MEAF6: variants seen among roughly 807,000 people sequenced by gnomAD.
The protein encoded by MEAF6 is MYST/Esa1 associated factor 6.
A neutral mutation model predicts 28.9 loss-of-function variants in MEAF6; 15 were observed. The observed-to-expected ratio is 0.52, with a 90% CI of 0.35 to 0.80. MEAF6 has a LOEUF of 0.80. Among genes scored for constraint, MEAF6 ranks in the 30% least tolerant of loss-of-function variants. MEAF6 has a pLI of 0.01. For missense variants in MEAF6, 178 were observed against 237.5 expected, an observed-to-expected ratio of 0.75 and a Z score of 1.65; for synonymous variants, 97 against 88.7, an observed-to-expected ratio of 1.09 and a Z score of -0.53.
Position 37,514,715 on chromosome 1 carries a change from T to TGCG in MEAF6, c.29_31dup (p.Pro10dup). ...CAGCTCCCGCCGGGTGTCCGGGATC[T>TGCG]GCGGCGGCGCCGCCTTGTTGTGCAT... On this transcript the variant is annotated inframe_insertion, in exon 1 of 7. Transcript: ENST00000296214. 1.3e-6 allele frequency: 2 copies of TGCG among 1,516,250 alleles called. No individual in the cohort carries two copies. Among genetic ancestry groups the TGCG allele is most frequent in the Non-Finnish European group, 1.8e-6 (2 of 1,134,422 alleles). The allele number at this position is 1,516,250 out of a possible 1,614,324, so 93.9% of individuals were successfully genotyped here.
In MEAF6 at chr1:37,501,891, C is replaced by G. The variant is rs777692525; in HGVS notation, c.446G>C (p.Gly149Ala). ...AGAAGCAGCCTTCTGAGGTTTCACT[C>G]CCTGCACAGATCCATCCAGATCCTC... ...DPEDLDGSVQ[G>A]VKPQKAASST... is the part of the protein sequence containing the mutation. The change falls in exon 5 of 7, where the codon GGA becomes GCA. Residue 149 changes from glycine to alanine, a missense_variant. Coordinates refer to ENST00000296214, the MANE Select transcript of MEAF6 (RefSeq NM_001270875.3). 32 of 1,612,216 alleles carry G rather than the reference C, an allele frequency of 2.0e-5. No homozygotes were observed. The highest frequency in any genetic ancestry group is 2.7e-5 in the Non-Finnish European group (32 of 1,178,570).
chr1:37,498,409 T>TTATTA lies in MEAF6; in HGVS notation c.534-2492_534-2491insTAATA, dbSNP rs1642189837. ...ACTTATAAGAGTAGCTATGTTATTT[T>TTATTA]TTATTATTATTATTATTATTATTAT... On this transcript the variant is annotated intron_variant, in intron 5 of 6. Coordinates refer to ENST00000296214, the MANE Select transcript of MEAF6 (RefSeq NM_001270875.3). 5.6e-3 allele frequency among the ~76,000 whole-genome samples: 682 copies of TTATTA among 122,514 alleles called. 9 individuals are homozygous for TTATTA. Among genetic ancestry groups the TTATTA allele is most frequent in the African/African-American group, 0.017 (645 of 37,744 alleles). 80.4% of individuals were successfully genotyped at this position (122,514 alleles called of 152,430 possible). A position where few individuals can be genotyped will look rare whatever the true frequency, so the allele number is the denominator to read the frequency against.
chr1:37,510,077 ATTT>A (rs958473140), intron 2 of MEAF6, among the ~76,000 whole-genome samples: 5 of 133,350 alleles, frequency 3.7e-5, no homozygotes, highest in Admixed American at 7.6e-5. Context: ...GCGCCCAGAC[ATTT>A]TTTTTTTTTT....
At position 37,501,083 on chromosome 1, in the gene MEAF6, C is replaced by T. The variant is rs575858324; in HGVS notation, c.533+721G>A. 2.6e-5 allele frequency: 4 copies of T among 154,064 alleles called. No homozygotes were observed. The South Asian group carries it at 8.2e-4, about 31-fold the overall frequency. The allele number at this position is 154,064 out of a possible 1,614,324, so 9.5% of individuals were successfully genotyped here. A position where few individuals can be genotyped will look rare whatever the true frequency, so the allele number is the denominator to read the frequency against. On this transcript the variant is annotated intron_variant, in intron 5 of 6. Transcript: ENST00000296214. ...ATTTCCAATTATCTGAGTTAACAATCCCCAGCATGATCATACAAACCCCAG... is the reference window on the plus strand; with the variant it reads ...ATTTCCAATTATCTGAGTTAACAATTCCCAGCATGATCATACAAACCCCAG...
chr1:37,514,423 G>A (rs917591407), intron 1 of MEAF6: 2 of 258,396 alleles, frequency 7.7e-6, no homozygotes, highest in East Asian at 6.8e-5. Flanking sequence ...TGCGGCTGCC[G>A]CTTCCCCTCC....
chr1:37,495,716 A>AAAAAAAAAC, intron 6 of MEAF6, among the ~76,000 whole-genome samples, 169 bp downstream of exon 6: 1 of 129,784 alleles, frequency 7.7e-6, no homozygotes, highest in Non-Finnish European at 1.7e-5. Context: ...AAAAAAAAAA[A>AAAAAAAAAC]AAACAAAAAA....
intron 5 of MEAF6, among the ~76,000 whole-genome samples, chr1:37,499,390 GCT>G (rs1642224061): frequency 6.6e-6 from 1 of 152,124 alleles, no homozygotes; most frequent in South Asian, 2.1e-4. Flanking sequence ...TAGACACCAT[GCT>G]CTGTCCCCAC....
chr1:37,493,764 G>A lies in MEAF6; in HGVS notation c.*335C>T. 6.5e-7 allele frequency: 1 copy of A among 1,548,268 alleles called. No homozygotes were observed. The highest frequency in any genetic ancestry group is 8.7e-7 in the Non-Finnish European group (1 of 1,144,914). Reference sequence around the variant, plus strand: ...ACAAAACCAGAGAACATTTCTTGAAGGGTATCACAGATGAAGCTGGTGCCA... The same window carrying A: ...ACAAAACCAGAGAACATTTCTTGAAAGGTATCACAGATGAAGCTGGTGCCA... On this transcript the variant is annotated 3_prime_UTR_variant, in exon 7 of 7. Transcript: ENST00000296214.
Position 37,493,835 on chromosome 1 carries a change from A to G in MEAF6, c.*264T>C. The stretch of plus-strand genomic sequence containing the variant: ...TCATTCTAAGAAGGGAGAAACGCAC[A>G]GTTAGCAACTTGCTGGGATTACAAC... On this transcript the variant is annotated 3_prime_UTR_variant, in exon 7 of 7. Coordinates refer to ENST00000296214, the MANE Select transcript of MEAF6 (RefSeq NM_001270875.3). 6.5e-7 allele frequency: 1 copy of G among 1,549,124 alleles called. No individual in the cohort carries two copies. The highest frequency in any genetic ancestry group is 8.7e-7 in the Non-Finnish European group (1 of 1,146,980).
intron 5 of MEAF6, among the ~76,000 whole-genome samples, chr1:37,497,086 G>A (rs1642149304): frequency 6.6e-6 from 1 of 152,106 alleles, no homozygotes; most frequent in African/African-American, 2.4e-5. Context: ...GAGAAAGAAA[G>A]GTTTAGTTAT....
At chr1:37,499,416 C>A (rs1642225090) in intron 5 of MEAF6, among the ~76,000 whole-genome samples, 1 of 152,182 alleles carries the variant, frequency 6.6e-6, no homozygotes, top group East Asian at 1.9e-4. Flanking sequence ...AATCTGCCAG[C>A]CCTACTGAGA....
chr1:37,506,266 G>A (rs1479875796), intron 4 of MEAF6, among the ~76,000 whole-genome samples: 7 of 142,588 alleles, frequency 4.9e-5, no homozygotes, highest in African/African-American at 1.7e-4. Flanking sequence ...GCGAGACTCC[G>A]TCTCAAAAAA....
In MEAF6 at chr1:37,496,495, C is replaced by T. The variant is rs1014515492; in HGVS notation, c.534-577G>A. ...ATCTATTTTAAAAGAAATTAAAATG[C>T]ATAAAAGTGAAGTTTACTTAATTTT... On this transcript the variant is annotated intron_variant, in intron 5 of 6. Transcript: ENST00000296214. 28 of 943,056 alleles carry T rather than the reference C, an allele frequency of 3.0e-5. No homozygotes were observed. In the African/African-American group the frequency reaches 4.8e-4, roughly 16 times the overall value. The allele number at this position is 943,056 out of a possible 1,614,324, so 58.4% of individuals were successfully genotyped here. A position where few individuals can be genotyped will look rare whatever the true frequency, so the allele number is the denominator to read the frequency against.
chr1:37,506,340 T>C (rs1171734603), intron 4 of MEAF6, among the ~76,000 whole-genome samples: 1 of 152,168 alleles, frequency 6.6e-6, no homozygotes, highest in Non-Finnish European at 1.5e-5. Context: ...AAAGAAAATC[T>C]AACAAAAACA....
At position 37,502,355 on chromosome 1, in the gene MEAF6, C is replaced by T. The variant is rs188251310; in HGVS notation, c.341-359G>A. Among the ~76,000 whole-genome samples, 321 of 152,144 alleles carry T rather than the reference C, an allele frequency of 2.1e-3. 3 individuals carry two copies. The highest frequency in any genetic ancestry group is 6.8e-3 in the Middle Eastern group (2 of 294). On this transcript the variant is annotated intron_variant, in intron 4 of 6. Transcript: ENST00000296214. The stretch of plus-strand genomic sequence containing the variant: ...CCTCCCAGAGCACTGGGATCACAGG[C>T]ATGAGATACTGTGCCTGATCTATAG...
chr1:37,496,609 A>G, intron 5 of MEAF6: 1 of 1,533,588 alleles, frequency 6.5e-7, no homozygotes, highest in Non-Finnish European at 8.8e-7. Flanking sequence ...ACATACCTAC[A>G]ATTAAACAGA....
intron 6 of MEAF6, among the ~76,000 whole-genome samples, 165 bp downstream of exon 6, chr1:37,495,716 AAAAC>A (rs1642110281): frequency 1.5e-5 from 2 of 129,708 alleles, no homozygotes; most frequent in Non-Finnish European, 3.5e-5. Context: ...AAAAAAAAAA[AAAAC>A]AAAAAAACCA....
At position 37,492,711 on chromosome 1, in the gene MEAF6, AC is replaced by A. The variant is rs1641978416; in HGVS notation, c.*1387del. On this transcript the variant is annotated 3_prime_UTR_variant, in exon 7 of 7. Coordinates refer to ENST00000296214, the MANE Select transcript of MEAF6 (RefSeq NM_001270875.3). Reference sequence around the variant, plus strand: ...TCACAAATGAAACATACTATTTCTTACAAAGATATAGGCATAAGTCAAGGAC... The same window carrying A: ...TCACAAATGAAACATACTATTTCTTAAAAGATATAGGCATAAGTCAAGGAC... 2 of 152,618 alleles carry A rather than the reference AC, an allele frequency of 1.3e-5. No homozygotes were observed. The highest frequency in any genetic ancestry group is 4.8e-5 in the African/African-American group (2 of 41,438). The allele number at this position is 152,618 out of a possible 1,614,324, so 9.5% of individuals were successfully genotyped here.
At chr1:37,496,137 T>G (rs1197777073) in intron 5 of MEAF6, among the ~76,000 whole-genome samples, 2 of 152,224 alleles carry the variant, frequency 1.3e-5, no homozygotes, top group African/African-American at 4.8e-5. Context: ...CAAACTTAGC[T>G]GACTCTAAAA....
Sources: allele counts gnomAD v4.1 joint callset (sites outside exome capture counted in the v4.1 genomes callset), GRCh38; gene constraint gnomAD v4.1.1; transcripts MANE v1.5; gene names NCBI Gene and HGNC (gene_info 2026-07-23, HGNC 2026-07-21).